PTPRO: variants seen among roughly 807,000 people sequenced by gnomAD.
PTPRO encodes the protein receptor-type tyrosine-protein phosphatase O.
In PTPRO, 62 loss-of-function variants were observed where a neutral mutation model predicts 145.2. The ratio of observed to expected loss-of-function variants is 0.43; its 90% confidence interval spans 0.35 to 0.53. The LOEUF (loss-of-function observed/expected upper bound fraction) is 0.53. PTPRO is among the 20% of genes least tolerant of loss of function. PTPRO has a pLI of 0.01. For missense variants in PTPRO, 1,345 were observed against 1,482.7 expected, an observed-to-expected ratio of 0.91 and a Z score of 1.53; for synonymous variants, 565 against 514.7, an observed-to-expected ratio of 1.10 and a Z score of -1.32.
At chr12:15,344,050 G>A (rs1867109561) in intron 1 of PTPRO, among the ~76,000 whole-genome samples, 1 of 152,202 alleles carries the variant, frequency 6.6e-6, no homozygotes, top group Non-Finnish European at 1.5e-5. Flanking sequence ...TTGAACGAGA[G>A]TTTTAATGTG....
chr12:15,353,906 T>C (rs556166979), intron 1 of PTPRO, among the ~76,000 whole-genome samples: 1 of 152,344 alleles, frequency 6.6e-6, no homozygotes, highest in Non-Finnish European at 1.5e-5. Flanking sequence ...AAAGGAATGC[T>C]TCAGGGTCTT....
rs1944440759 is a variant in PTPRO, at chr12:15,586,894, A to C, written c.3256-3A>C. On this transcript the variant is annotated splice_region_variant and splice_polypyrimidine_tract_variant and intron_variant, in intron 23 of 26. Coordinates refer to ENST00000281171, the MANE Select transcript of PTPRO (RefSeq NM_030667.3). ...TGCTTGTTTTTGGCTTTTTTCTCTA[A>C]AGGCTGACGAGATGCAGGATGTGAT... is the stretch of plus-strand genomic sequence containing the variant. 2 of 1,613,926 alleles carry C rather than the reference A, an allele frequency of 1.2e-6. No homozygotes were observed. The highest frequency in any genetic ancestry group is 3.3e-5 in the Admixed American group (2 of 60,010).
At position 15,322,601 on chromosome 12, in the gene PTPRO, C is replaced by T. The variant is rs1866325838; in HGVS notation, c.-126C>T. The T allele has an allele frequency of 3.9e-6, 3 of 778,004 alleles. No homozygotes were observed. The highest frequency in any genetic ancestry group is 3.4e-5 in the African/African-American group (2 of 58,080). 48.2% of individuals were successfully genotyped at this position (778,004 alleles called of 1,614,324 possible). A position where few individuals can be genotyped will look rare whatever the true frequency, so the allele number is the denominator to read the frequency against. On this transcript the variant is annotated 5_prime_UTR_variant, in exon 1 of 27. Coordinates refer to ENST00000281171, the MANE Select transcript of PTPRO (RefSeq NM_030667.3). The surrounding 1 kb of genome is among the most constrained non-coding windows in gnomAD (Gnocchi z 6.3). ...AGGCGCAGGGGGACTGGAAAGGCAG[C>T]ATGCGCTCGCCAGGAGCAACCTCGG...
chr12:15,537,251 A>G (rs1943084789), intron 12 of PTPRO, among the ~76,000 whole-genome samples: 1 of 152,162 alleles, frequency 6.6e-6, no homozygotes, highest in Non-Finnish European at 1.5e-5. Context: ...CTAAAAATAT[A>G]AATTTGAGTG....
At chr12:15,572,787 T>C (rs1355320139) in intron 19 of PTPRO, among the ~76,000 whole-genome samples, 2 of 152,186 alleles carry the variant, frequency 1.3e-5, no homozygotes, top group Non-Finnish European at 2.9e-5. Context: ...ACTAGATCAA[T>C]GGTTCTCAAC....
At chr12:15,460,110 A>AT (rs1941268731) in intron 1 of PTPRO, among the ~76,000 whole-genome samples, 1 of 152,156 alleles carries the variant, frequency 6.6e-6, no homozygotes, top group Non-Finnish European at 1.5e-5. Context: ...ATACTTCTCA[A>AT]TATTTTTGAG....
chr12:15,528,480 G>A (rs952613473), intron 12 of PTPRO, among the ~76,000 whole-genome samples: 72 of 147,898 alleles, frequency 4.9e-4, no homozygotes, highest in African/African-American at 7.5e-4. Context: ...AGCCGAGATC[G>A]CACCACTGCA....
At chr12:15,560,410 G>A in intron 17 of PTPRO, 134 bp downstream of exon 17, 1 of 710,284 alleles carries the variant, frequency 1.4e-6, no homozygotes. Flanking sequence ...ATGTATTGAA[G>A]TGAATTAAAG....
rs1350361331 is a variant in PTPRO at position 15,322,791 on chromosome 12, T to C, written c.65T>C (p.Val22Ala). 2 of 1,612,696 alleles carry C rather than the reference T, an allele frequency of 1.2e-6. No homozygotes were observed. Among genetic ancestry groups the C allele is most frequent in the Non-Finnish European group, 1.7e-6 (2 of 1,179,524 alleles). The change falls in exon 1 of 27, where the codon GTG (valine) becomes GCG (alanine). Residue 22 changes from valine (V) to alanine (A), a missense_variant. This residue lies in a region of PTPRO where 1,130 missense variants were observed against 1,214.7 expected (regional missense o/e 0.93). Transcript: ENST00000281171. The surrounding 1 kb of genome is among the most constrained non-coding windows in gnomAD (Gnocchi z 6.3). ...CTCCTGCCTCTGCTCTGGCTCTTTGTGCTGTTCAAGGTAGGGGAGCTCCTC... is the reference window on the plus strand; with the variant it reads ...CTCCTGCCTCTGCTCTGGCTCTTTGCGCTGTTCAAGGTAGGGGAGCTCCTC... Reference protein sequence around the residue: ...RRLLPLLWLFVLFKNATAFHV... With the variant: ...RRLLPLLWLFALFKNATAFHV...
intron 12 of PTPRO, among the ~76,000 whole-genome samples, chr12:15,530,098 G>T (rs1162695587): frequency 1.3e-5 from 2 of 152,092 alleles, no homozygotes; most frequent in East Asian, 3.9e-4. Flanking sequence ...AGATAAAATG[G>T]ACCACAAATC....
intron 1 of PTPRO, among the ~76,000 whole-genome samples, chr12:15,445,230 T>C (rs1351433309): frequency 6.6e-6 from 1 of 152,174 alleles, no homozygotes; most frequent in African/African-American, 2.4e-5. Flanking sequence ...TTGTTGTTTA[T>C]GTTTCATTAG....
chr12:15,489,031 T>C (rs1295192089), intron 2 of PTPRO, among the ~76,000 whole-genome samples: 1 of 152,178 alleles, frequency 6.6e-6, no homozygotes, highest in Non-Finnish European at 1.5e-5. Context: ...AAATATAATA[T>C]TCTATACAGT....
At chr12:15,533,553 C>A (rs1330492353) in intron 12 of PTPRO, among the ~76,000 whole-genome samples, 2 of 152,080 alleles carry the variant, frequency 1.3e-5, no homozygotes, top group Non-Finnish European at 2.9e-5. Flanking sequence ...CAAAGTTGAA[C>A]ATAGTATTGC....
chr12:15,335,312 G>A (rs541583789), intron 1 of PTPRO, among the ~76,000 whole-genome samples: 7 of 152,114 alleles, frequency 4.6e-5, no homozygotes, highest in East Asian at 1.9e-4. Context: ...GTAAAAGACC[G>A]AGGGAATGGT....
chr12:15,512,695 T>C (rs1314195147), intron 7 of PTPRO, among the ~76,000 whole-genome samples: 2 of 152,180 alleles, frequency 1.3e-5, no homozygotes, highest in Non-Finnish European at 2.9e-5. Context: ...TTTGTCTCTT[T>C]AGAAAATTCT....
intron 1 of PTPRO, among the ~76,000 whole-genome samples, chr12:15,438,262 G>T (rs922192376): frequency 6.6e-6 from 1 of 152,050 alleles, no homozygotes; most frequent in Admixed American, 6.5e-5. Context: ...GTGTCTCCAG[G>T]TGAGAAGCAA....
intron 2 of PTPRO, among the ~76,000 whole-genome samples, chr12:15,485,442 C>A (rs1274831618): frequency 2.0e-5 from 3 of 152,136 alleles, no homozygotes; most frequent in Non-Finnish European, 1.5e-5. Context: ...GCCTACAATA[C>A]AAACTCCTTA....
intron 1 of PTPRO, among the ~76,000 whole-genome samples, chr12:15,401,600 C>A (rs1939495091): frequency 6.6e-6 from 1 of 152,218 alleles, no homozygotes; most frequent in African/African-American, 2.4e-5. Context: ...ATTTGCTATC[C>A]ACAACATATG....
chr12:15,501,818 A>T lies in PTPRO; in HGVS notation c.860A>T (p.Asn287Ile), dbSNP rs755884985. The T allele has an allele frequency of 6.2e-7, 1 of 1,614,012 alleles. No individual in the cohort carries two copies. Among genetic ancestry groups the T allele is most frequent in the African/African-American group, 1.3e-5 (1 of 74,932 alleles). ...GNISSGWPDF[N>I]SSDYETTSQP... ...ATTTCTTCCGGTTGGCCTGATTTTAATAGCAGTGACTATGAAACTACGTCT... is the reference window on the plus strand; with the variant it reads ...ATTTCTTCCGGTTGGCCTGATTTTATTAGCAGTGACTATGAAACTACGTCT... Residue 287 changes from asparagine (N) to isoleucine (I), a missense_variant, in exon 5 of 27, where the codon AAT becomes ATT. Around this residue, in one of 3 missense-constraint regions of PTPRO, gnomAD observed 1,130 missense variants for 1,214.7 expected, o/e 0.93. Transcript: ENST00000281171.
Sources: allele counts gnomAD v4.1 joint callset (sites outside exome capture counted in the v4.1 genomes callset), GRCh38; gene constraint gnomAD v4.1.1; regional missense constraint gnomAD v4.1.1; non-coding constraint Gnocchi (gnomAD v3.1); transcripts MANE v1.5; gene names NCBI Gene and HGNC (gene_info 2026-07-23, HGNC 2026-07-21).